The following PALM variants were observed in gnomAD, a reference collection of about 807,000 sequenced individuals.
PALM encodes the protein paralemmin, also known as paralemmin-1.
A neutral mutation model predicts 30.7 loss-of-function variants in PALM; 18 were observed. That is an observed-to-expected ratio of 0.59 (90% confidence interval 0.41 to 0.87). The LOEUF (loss-of-function observed/expected upper bound fraction) is 0.87, where lower values mean the gene tolerates loss of function less well. Among genes scored for constraint, PALM ranks in the 40% least tolerant of loss-of-function variants. The probability of loss-of-function intolerance (pLI) is 0.00; values close to 1 mark genes in which losing one functional copy is unlikely to be tolerated. For missense variants in PALM, 529 were observed against 555.4 expected (o/e 0.95, Z 0.48); for synonymous variants, 286 against 242.8 (o/e 1.18, Z -1.66).
intron 1 of PALM, among the ~76,000 whole-genome samples, chr19:725,391 C>T (rs944768746): frequency 1.3e-5 from 2 of 152,062 alleles, no homozygotes; most frequent in African/African-American, 2.4e-5. Context: ...AAACCCCTGT[C>T]TCTACTAAAA....
chr19:741,742 C>T (rs570734594), intron 8 of PALM, among the ~76,000 whole-genome samples: 2 of 152,160 alleles, frequency 1.3e-5, no homozygotes, highest in African/African-American at 4.8e-5. Flanking sequence ...TTAAGGGCTC[C>T]TCCTAGAGGT....
chr19:726,965 G>GGGCGCGGGC, intron 2 of PALM, 43 bp from the exon 3 acceptor site: 1 of 1,037,618 alleles, frequency 9.6e-7, no homozygotes. Flanking sequence ...GGGTCTCCGG[G>GGGCGCGGGC]ACCCCCACGC....
At position 746,252 on chromosome 19, in the gene PALM, G is replaced by A; in HGVS notation, c.635-33G>A. On this transcript the variant is annotated intron_variant, in intron 8 of 8. Coordinates refer to ENST00000338448, the MANE Select transcript of PALM (RefSeq NM_002579.3). This position sits in a 1 kb window ranked among gnomAD's most constrained non-coding sequence, Gnocchi z 7.1. ...ACTCTCTCTGTCCCTCCTGCCTGGA[G>A]CTGGGTCATTCTCTCTGTCTCTCCT... 1 of 1,592,860 alleles carries A rather than the reference G, an allele frequency of 6.3e-7. No individual in the cohort carries two copies. Among genetic ancestry groups the A allele is most frequent in the Non-Finnish European group, 8.6e-7 (1 of 1,166,498 alleles).
At chr19:719,915 C>A (rs950766035) in intron 1 of PALM, among the ~76,000 whole-genome samples, 1 of 152,114 alleles carries the variant, frequency 6.6e-6, no homozygotes, top group Admixed American at 6.5e-5. Flanking sequence ...ATCCGTGCGT[C>A]GTGGTCATAT....
chr19:713,151 T>C (rs574419900), intron 1 of PALM, among the ~76,000 whole-genome samples: 3 of 146,412 alleles, frequency 2.0e-5, no homozygotes, highest in South Asian at 2.1e-4. Context: ...TTGGTACCTG[T>C]GTCTGGGGGT....
At chr19:712,937 A>G (rs1359507672) in intron 1 of PALM, among the ~76,000 whole-genome samples, 1 of 152,124 alleles carries the variant, frequency 6.6e-6, no homozygotes, top group Non-Finnish European at 1.5e-5. Context: ...GGGCCTCCCA[A>G]AATGCTGGCA....
intron 1 of PALM, chr19:719,754 C>G: frequency 1.9e-6 from 1 of 523,154 alleles, no homozygotes; most frequent in Non-Finnish European, 2.5e-6. Flanking sequence ...TGAGACTCCC[C>G]CGCGCCTGGC....
At chr19:741,751 G>A (rs541074440) in intron 8 of PALM, among the ~76,000 whole-genome samples, 2 of 152,102 alleles carry the variant, frequency 1.3e-5, no homozygotes, top group African/African-American at 4.8e-5. Flanking sequence ...CCTCCTAGAG[G>A]TCAAGAGGCA....
chr19:711,299 T>C, intron 1 of PALM: 1 of 494,022 alleles, frequency 2.0e-6, no homozygotes, highest in Non-Finnish European at 2.6e-6. Context: ...ACACATGGTC[T>C]GGCTGGTAAA....
At chr19:713,894 TTC>T (rs1163016572) in intron 1 of PALM, among the ~76,000 whole-genome samples, 1 of 141,216 alleles carries the variant, frequency 7.1e-6, no homozygotes, top group Admixed American at 7.0e-5. Context: ...TGTTCTTTTT[TTC>T]TTTCTTTCTT....
chr19:720,153 C>G (rs764576168), intron 1 of PALM, among the ~76,000 whole-genome samples: 5 of 151,740 alleles, frequency 3.3e-5, no homozygotes, highest in Admixed American at 1.3e-4. Context: ...AAGCCTCGGC[C>G]CCCCCCAATC....
intron 1 of PALM, among the ~76,000 whole-genome samples, chr19:712,234 G>C (rs564635152): frequency 6.6e-6 from 1 of 151,684 alleles, no homozygotes; most frequent in African/African-American, 2.4e-5. Context: ...GGTTGCCCAG[G>C]CTGGTCTTGA....
intron 1 of PALM, among the ~76,000 whole-genome samples, chr19:720,622 G>T (rs1407357775): frequency 6.7e-6 from 1 of 149,204 alleles, no homozygotes; most frequent in African/African-American, 2.5e-5. Context: ...GAGGGGCGAG[G>T]GGGGCGCCCG....
At chr19:724,876 G>A (rs1425382364) in intron 1 of PALM, among the ~76,000 whole-genome samples, 1 of 150,160 alleles carries the variant, frequency 6.7e-6, no homozygotes, top group African/African-American at 2.5e-5. Context: ...CTCCCACCTC[G>A]GCCTCCCAAA....
At chr19:726,920 G>A in intron 2 of PALM, 88 bp from the exon 3 acceptor site, 1 of 809,212 alleles carries the variant, frequency 1.2e-6, no homozygotes, top group Non-Finnish European at 2.0e-6. Flanking sequence ...GAGGAAGCAG[G>A]ATCGGGCTGG....
intron 4 of PALM, 23 bp from the exon 5 acceptor site, chr19:731,072 T>C: frequency 7.9e-6 from 12 of 1,527,764 alleles, no homozygotes; most frequent in Non-Finnish European, 1.1e-5. Context: ...GGAGTCACCC[T>C]CACAGGCACA....
chr19:729,819 C>T (rs558967126), intron 4 of PALM, among the ~76,000 whole-genome samples: 27 of 152,110 alleles, frequency 1.8e-4, no homozygotes, highest in African/African-American at 5.8e-4. Context: ...CTGGGCTGGA[C>T]GGGATGTTCA....
intron 8 of PALM, among the ~76,000 whole-genome samples, chr19:745,513 G>A (rs2033312800): frequency 6.6e-6 from 1 of 151,738 alleles, no homozygotes. Context: ...GGCCAACATA[G>A]TGAAACCCCA....
rs145499551 is a variant in PALM, at chr19:746,692, G to T, written c.1042G>T (p.Ala348Ser). Residue 348 changes from alanine to serine, a missense_variant, in exon 9 of 9, where the codon GCC (alanine) becomes TCC (serine). By Grantham distance (99) the Ala-to-Ser change is moderately conservative. Transcript: ENST00000338448. This position sits in a 1 kb window ranked among gnomAD's most constrained non-coding sequence, Gnocchi z 7.1. Reference sequence around the variant, plus strand: ...GCCTGCACCACCCAACGGCAGTGCTGCCGAGCCTCCCACGGAGGCCGCCTC... The same window carrying T: ...GCCTGCACCACCCAACGGCAGTGCTTCCGAGCCTCCCACGGAGGCCGCCTC... ...KEPAPPNGSA[A>S]EPPTEAASRE... 111 of 1,609,744 alleles carry T rather than the reference G, an allele frequency of 6.9e-5. No individual in the cohort carries two copies. Among genetic ancestry groups the T allele is most frequent in the Non-Finnish European group, 8.7e-5 (103 of 1,178,830 alleles).
Sources: allele counts gnomAD v4.1 joint callset (sites outside exome capture counted in the v4.1 genomes callset), GRCh38; gene constraint gnomAD v4.1.1; non-coding constraint Gnocchi (gnomAD v3.1); transcripts MANE v1.5; gene names NCBI Gene and HGNC (gene_info 2026-07-23, HGNC 2026-07-21).